The following CACUL1 variants were observed in gnomAD, a reference collection of about 807,000 sequenced individuals.
CACUL1 encodes CDK2-associated and cullin domain-containing protein 1.
CACUL1 carries 13 observed loss-of-function variants against 45.2 expected under a neutral mutation model. That is an observed-to-expected ratio of 0.29 (90% CI 0.19 to 0.46). The LOEUF is 0.46. Among genes scored for constraint, CACUL1 ranks in the 20% least tolerant of loss-of-function variants. The pLI, the probability that CACUL1 is intolerant of heterozygous loss-of-function variation, is 1.00. For synonymous variants in CACUL1, 197 were observed against 174.2 expected (o/e 1.13, Z -1.03); for missense variants, 421 against 471.4 (o/e 0.89, Z 0.99).
rs1845171017 is a variant in CACUL1, at chr10:118,683,214, A to G, written c.*2914T>C. ...GACCCGGCTTTCCTTTTAAGGAGCC[A>G]GTTTCAGGCTGCACATACATACTAG... On this transcript the variant is annotated 3_prime_UTR_variant, in exon 9 of 9. Transcript: ENST00000369151. 6.6e-6 allele frequency: 1 copy of G among 152,294 alleles called. No homozygotes were observed. Among genetic ancestry groups the G allele is most frequent in the East Asian group, 1.9e-4 (1 of 5,190 alleles). The allele number at this position is 152,294 out of a possible 1,614,324, so 9.4% of individuals were successfully genotyped here.
In CACUL1 at chr10:118,686,091, C is replaced by T; in HGVS notation, c.*37G>A. On this transcript the variant is annotated 3_prime_UTR_variant, in exon 9 of 9. Transcript: ENST00000369151. ...TACAGTCTCTGCAGCTCCAGTGTGT[C>T]CTCTTTTCAGGAAGGAAAGCATATT... 1.3e-6 allele frequency: 2 copies of T among 1,547,500 alleles called. No homozygotes were observed. The highest frequency in any genetic ancestry group is 1.8e-6 in the Non-Finnish European group (2 of 1,119,538).
intron 3 of CACUL1, among the ~76,000 whole-genome samples, chr10:118,714,124 T>C (rs1007122237): frequency 2.6e-5 from 4 of 152,264 alleles, no homozygotes; most frequent in Non-Finnish European, 5.9e-5. Flanking sequence ...CCTAGCTTAA[T>C]AGAAGACAGC....
chr10:118,715,095 A>T (rs537812322), intron 3 of CACUL1, among the ~76,000 whole-genome samples: 1 of 152,294 alleles, frequency 6.6e-6, no homozygotes, highest in South Asian at 2.1e-4. Context: ...ATTTCAAAAC[A>T]ACCTTTAAAT....
At chr10:118,724,229 T>G (rs1845629616) in intron 3 of CACUL1, among the ~76,000 whole-genome samples, 1 of 152,228 alleles carries the variant, frequency 6.6e-6, no homozygotes, top group Admixed American at 6.5e-5. Context: ...AAAGCTCTAT[T>G]AAATTTCTCA....
At chr10:118,708,251 T>C (rs1845452114) in intron 3 of CACUL1, among the ~76,000 whole-genome samples, 1 of 151,976 alleles carries the variant, frequency 6.6e-6, no homozygotes, top group Admixed American at 6.6e-5. Context: ...TATTTGAACC[T>C]GGAATGAGTT....
Position 118,754,603 on chromosome 10 carries a change from C to A in CACUL1, c.160G>T (p.Gly54Trp), listed in dbSNP as rs762790331. Residue 54 changes from glycine to tryptophan, a missense_variant, in exon 1 of 9, where the codon GGG (glycine) becomes TGG (tryptophan). Gly to Trp is a radical substitution (Grantham distance 184). Transcript: ENST00000369151. Reference protein sequence around the residue: ...SIPAPAREPPGGQLLAVPAVS... With the variant: ...SIPAPAREPPWGQLLAVPAVS... The stretch of plus-strand genomic sequence containing the variant: ...GCGGGCACCGCCAGCAGCTGCCCCC[C>A]CGGAGGCTCTCGGGCAGGGGCCGGG... 2 of 1,608,922 alleles carry A rather than the reference C, an allele frequency of 1.2e-6. No individual in the cohort carries two copies. Among genetic ancestry groups the A allele is most frequent in the Non-Finnish European group, 1.7e-6 (2 of 1,177,770 alleles).
At chr10:118,753,794 C>G (rs1377131991) in intron 1 of CACUL1, among the ~76,000 whole-genome samples, 1 of 152,178 alleles carries the variant, frequency 6.6e-6, no homozygotes, top group Non-Finnish European at 1.5e-5. Flanking sequence ...TTATTAGCTT[C>G]AAGACGATGT....
At chr10:118,728,857 T>C (rs1845675025) in intron 3 of CACUL1, among the ~76,000 whole-genome samples, 1 of 152,200 alleles carries the variant, frequency 6.6e-6, no homozygotes, top group African/African-American at 2.4e-5. Flanking sequence ...ACAGGAGGTT[T>C]ATCAATAAAG....
At chr10:118,713,899 T>C (rs1280260795) in intron 3 of CACUL1, among the ~76,000 whole-genome samples, 1 of 152,226 alleles carries the variant, frequency 6.6e-6, no homozygotes, top group East Asian at 1.9e-4. Flanking sequence ...CAACTCAAGA[T>C]TCCAAAAAGC....
chr10:118,718,962 G>C (rs1311926619), intron 3 of CACUL1, among the ~76,000 whole-genome samples: 2 of 152,032 alleles, frequency 1.3e-5, no homozygotes, highest in African/African-American at 4.8e-5. Flanking sequence ...AAAAAACTAA[G>C]ACCAAAAAAA....
chr10:118,747,144 C>T (rs1413032030), intron 1 of CACUL1, among the ~76,000 whole-genome samples: 1 of 152,202 alleles, frequency 6.6e-6, no homozygotes, highest in Non-Finnish European at 1.5e-5. Flanking sequence ...AAACCATCCC[C>T]CAGTCCACAG....
At chr10:118,686,375 A>G (rs896546452) in intron 8 of CACUL1, among the ~76,000 whole-genome samples, 1 of 152,206 alleles carries the variant, frequency 6.6e-6, no homozygotes, top group East Asian at 1.9e-4. Flanking sequence ...ATGTCATCCC[A>G]GTAGAAACTA....
At chr10:118,715,235 G>T (rs1436630561) in intron 3 of CACUL1, among the ~76,000 whole-genome samples, 1 of 152,146 alleles carries the variant, frequency 6.6e-6, no homozygotes. Flanking sequence ...TGGTCCTAGT[G>T]TGAGAAATGC....
In CACUL1 at chr10:118,730,399, T is replaced by C. The variant is rs1845686759; in HGVS notation, c.379A>G (p.Ile127Val). Residue 127 changes from isoleucine (I) to valine (V), a missense_variant, in exon 2 of 9, where the codon ATA (isoleucine) becomes GTA (valine). Transcript: ENST00000369151. Reference sequence around the variant, plus strand: ...GTGCTCTTATAATCTTCAATAGTTATAACATTCATTACTAAAAGTAAAAAG... The same window carrying C: ...GTGCTCTTATAATCTTCAATAGTTACAACATTCATTACTAAAAGTAAAAAG... ...TSTSKFLMNV[I>V]TIEDYKSTYW... 2 of 1,611,730 alleles carry C rather than the reference T, an allele frequency of 1.2e-6. No homozygotes were observed. The highest frequency in any genetic ancestry group is 1.1e-5 in the South Asian group (1 of 90,904).
intron 1 of CACUL1, among the ~76,000 whole-genome samples, chr10:118,733,494 TA>T (rs2119648805): frequency 6.7e-6 from 1 of 150,240 alleles, no homozygotes; most frequent in East Asian, 1.9e-4. Flanking sequence ...AGTCAACACT[TA>T]AAATGACAAT....
rs55641894 is a variant in CACUL1 at position 118,676,839 on chromosome 10, T to TACACACACAC, written c.*9279_*9288dup. The TACACACACAC allele has an allele frequency of 6.7e-6, 1 of 149,834 alleles. No individual in the cohort carries two copies. Among genetic ancestry groups the TACACACACAC allele is most frequent in the South Asian group, 2.1e-4 (1 of 4,716 alleles). 9.3% of individuals were successfully genotyped at this position (149,834 alleles called of 1,614,324 possible). On this transcript the variant is annotated 3_prime_UTR_variant, in exon 9 of 9. Transcript: ENST00000369151. ...ACATTTTAAAATATATATGTCTATG[T>TACACACACAC]ACACACACACACACACACACACACA...
chr10:118,699,990 CA>C (rs1394700443), intron 5 of CACUL1, among the ~76,000 whole-genome samples: 8 of 148,538 alleles, frequency 5.4e-5, no homozygotes, highest in Admixed American at 2.7e-4. Context: ...CCCAGCCTTA[CA>C]AAAAAAAATG....
chr10:118,700,700 G>C (rs534542494), intron 5 of CACUL1, among the ~76,000 whole-genome samples: 59 of 133,940 alleles, frequency 4.4e-4, no homozygotes, highest in African/African-American at 1.8e-3. Context: ...CTAGGCGACA[G>C]AGCGAGACTC....
At chr10:118,688,544 G>C (rs1845230368) in intron 7 of CACUL1, among the ~76,000 whole-genome samples, 1 of 151,728 alleles carries the variant, frequency 6.6e-6, no homozygotes, top group African/African-American at 2.4e-5. Flanking sequence ...TGTGATTTAT[G>C]CAAGAGGCTG....
Sources: allele counts gnomAD v4.1 joint callset (sites outside exome capture counted in the v4.1 genomes callset), GRCh38; gene constraint gnomAD v4.1.1; transcripts MANE v1.5; gene names NCBI Gene and HGNC (gene_info 2026-07-23, HGNC 2026-07-21).